Variants in CNTN1 observed in about 807,000 individuals in gnomAD.
CNTN1 encodes the protein contactin-1.
CNTN1 carries 38 observed loss-of-function variants against 126.4 expected under a neutral mutation model. That is an observed-to-expected ratio of 0.30 (90% CI 0.23 to 0.39). The LOEUF (loss-of-function observed/expected upper bound fraction) is 0.39. Ranked by LOEUF, CNTN1 falls within the 10% of genes least tolerant of loss-of-function variation. The pLI is 1.00. For missense variants in CNTN1, 1,009 were observed against 1,248.4 expected (o/e 0.81, Z 2.89); for synonymous variants, 413 against 422.6 (o/e 0.98, Z 0.28).
intron 1 of CNTN1, among the ~76,000 whole-genome samples, chr12:40,765,796 A>G (rs1939060696): frequency 6.6e-6 from 1 of 152,054 alleles, no homozygotes; most frequent in South Asian, 2.1e-4. Flanking sequence ...ATAAATTCAC[A>G]CATTTATCAA....
chr12:40,707,227 CTTTTTTTTTTTTTTTTTTTTTTT>C (rs370984371), intron 1 of CNTN1, among the ~76,000 whole-genome samples: 1 of 109,166 alleles, frequency 9.2e-6, no homozygotes, highest in African/African-American at 3.8e-5. Flanking sequence ...TTTTCTTTTT[CTTTTTTTTTTTTTTTTTTTTTTT>C]TTTTTTTTTT....
At position 40,995,618 on chromosome 12, in the gene CNTN1, C is replaced by G. The variant is rs140701417; in HGVS notation, c.2113+2349C>G. On this transcript the variant is annotated intron_variant, in intron 17 of 23. Coordinates refer to ENST00000551295, the MANE Select transcript of CNTN1 (RefSeq NM_001843.4). ...GGTATTTTGTTAAGGACTTAGTTCCCCATCTGATGTGCTTACAAAATAACT... is the reference window on the plus strand; with the variant it reads ...GGTATTTTGTTAAGGACTTAGTTCCGCATCTGATGTGCTTACAAAATAACT... 7.0e-4 allele frequency among the ~76,000 whole-genome samples: 106 copies of G among 152,188 alleles called. 2 individuals carry two copies. Among genetic ancestry groups the G allele is most frequent in the African/African-American group, 2.4e-3 (98 of 41,514 alleles).
At chr12:40,874,365 G>A (rs1387310952) in intron 1 of CNTN1, among the ~76,000 whole-genome samples, 2 of 151,890 alleles carry the variant, frequency 1.3e-5, no homozygotes, top group Non-Finnish European at 2.9e-5. Context: ...AAGTCACAAC[G>A]AAATTTAAAG....
At chr12:40,957,444 T>C (rs1002631514) in intron 14 of CNTN1, among the ~76,000 whole-genome samples, 2 of 89,400 alleles carry the variant, frequency 2.2e-5, no homozygotes, top group East Asian at 2.5e-4. Flanking sequence ...TGATTTACCC[T>C]ACCTTTTTTT....
At chr12:40,937,491 A>G (rs1469583590) in intron 10 of CNTN1, 79 bp from the exon 11 acceptor site, 2 of 945,212 alleles carry the variant, frequency 2.1e-6, no homozygotes, top group Non-Finnish European at 3.5e-6. Context: ...CTAAATGAAA[A>G]GACAACCAAA....
intron 1 of CNTN1, among the ~76,000 whole-genome samples, chr12:40,873,649 A>G (rs1336661007): frequency 6.6e-6 from 1 of 152,156 alleles, no homozygotes; most frequent in Non-Finnish European, 1.5e-5. Flanking sequence ...GCAGTCCATG[A>G]TATTTGCCCA....
At chr12:40,881,286 C>A (rs371113132) in intron 1 of CNTN1, among the ~76,000 whole-genome samples, 4 of 151,920 alleles carry the variant, frequency 2.6e-5, no homozygotes, top group Middle Eastern at 3.4e-3. Flanking sequence ...TGAACACGTA[C>A]TATGGCTATA....
intron 15 of CNTN1, among the ~76,000 whole-genome samples, chr12:40,964,428 C>A (rs371215914): frequency 1.7e-4 from 26 of 151,924 alleles, no homozygotes; most frequent in Non-Finnish European, 2.1e-4. Context: ...ATCATTTTCT[C>A]CTCAAAAGAA....
chr12:41,002,207 A>T (rs749362994), intron 17 of CNTN1, among the ~76,000 whole-genome samples: 31 of 152,316 alleles, frequency 2.0e-4, no homozygotes, highest in Middle Eastern at 3.4e-3. Context: ...AATAGCATTG[A>T]ATCTATAAAT....
intron 1 of CNTN1, among the ~76,000 whole-genome samples, chr12:40,739,462 A>G (rs1402340606): frequency 6.6e-6 from 1 of 152,110 alleles, no homozygotes; most frequent in African/African-American, 2.4e-5. Flanking sequence ...GACCTCAGGC[A>G]TAAGGATGTC....
At position 40,918,297 on chromosome 12, in the gene CNTN1, C is replaced by A. The variant is rs147405258; in HGVS notation, c.95-342C>A. On this transcript the variant is annotated intron_variant, in intron 3 of 23. Transcript: ENST00000551295. ...ATGGCTAGGTCACCAAAGGATCATGCAAATTTTGATAGGACAAGAAAAGTA... is the reference window on the plus strand; with the variant it reads ...ATGGCTAGGTCACCAAAGGATCATGAAAATTTTGATAGGACAAGAAAAGTA... Among the ~76,000 whole-genome samples, 374 of 152,132 alleles carry A rather than the reference C, an allele frequency of 2.5e-3. 2 individuals carry two copies. Among genetic ancestry groups the A allele is most frequent in the African/African-American group, 8.5e-3 (355 of 41,536 alleles).
intron 23 of CNTN1, among the ~76,000 whole-genome samples, chr12:41,033,870 C>T (rs539506854): frequency 7.0e-6 from 1 of 141,934 alleles, no homozygotes; most frequent in Non-Finnish European, 1.5e-5. Context: ...TACCCCGTCT[C>T]TACTAAAAAT....
chr12:41,013,373 A>G (rs1281274790), intron 17 of CNTN1, among the ~76,000 whole-genome samples: 1 of 152,142 alleles, frequency 6.6e-6, no homozygotes, highest in Non-Finnish European at 1.5e-5. Flanking sequence ...TCGACTTTAC[A>G]GGCTGCTCTT....
chr12:40,846,808 C>T (rs1398441320), intron 1 of CNTN1, among the ~76,000 whole-genome samples: 3 of 152,184 alleles, frequency 2.0e-5, no homozygotes, highest in Non-Finnish European at 4.4e-5. Context: ...TCTCCTGCCT[C>T]AGGCTCCCGA....
chr12:40,898,625 C>T (rs1470480388), intron 1 of CNTN1, among the ~76,000 whole-genome samples: 1 of 152,130 alleles, frequency 6.6e-6, no homozygotes, highest in African/African-American at 2.4e-5. Context: ...AGTACTGATA[C>T]AATGACCTGT....
At chr12:40,724,167 T>C (rs1942290863) in intron 1 of CNTN1, among the ~76,000 whole-genome samples, 1 of 152,204 alleles carries the variant, frequency 6.6e-6, no homozygotes, top group Admixed American at 6.5e-5. Context: ...ATGTAACATG[T>C]ACCCTAGGCA....
intron 7 of CNTN1, among the ~76,000 whole-genome samples, chr12:40,931,865 TTGAGAAACA>T (rs1040170593): frequency 6.6e-6 from 1 of 151,956 alleles, no homozygotes; most frequent in African/African-American, 2.4e-5. Context: ...AATCTACACC[TTGAGAAACA>T]TTGATCCAAG....
chr12:40,897,209 G>T (rs568004386), intron 1 of CNTN1, among the ~76,000 whole-genome samples: 2 of 152,056 alleles, frequency 1.3e-5, no homozygotes, highest in East Asian at 3.9e-4. Flanking sequence ...GTTTTTGGAG[G>T]TCAAATTGAC....
intron 1 of CNTN1, among the ~76,000 whole-genome samples, chr12:40,762,875 T>C (rs1234354380): frequency 1.3e-5 from 2 of 152,160 alleles, no homozygotes; most frequent in African/African-American, 2.4e-5. Context: ...TAAAATATAG[T>C]TTGAATATTT....
Sources: gnomAD v4.1 joint callset for allele counts (sites outside exome capture counted in the v4.1 genomes callset) on GRCh38, gnomAD v4.1.1 for gene constraint, MANE v1.5 for transcripts, NCBI Gene and HGNC (gene_info 2026-07-23, HGNC 2026-07-21) for gene names.